C5orf46: variants seen among roughly 807,000 people sequenced by gnomAD.
C5orf46 encodes uncharacterized protein C5orf46.
A neutral mutation model predicts 8.9 loss-of-function variants in C5orf46; 9 were observed. That is an observed-to-expected ratio of 1.01 (90% CI 0.61 to 1.76). The LOEUF is 1.76. Among genes scored for constraint, C5orf46 ranks in the 40% most tolerant of loss-of-function variants. The pLI is 0.00. For missense variants in C5orf46, 98 were observed against 107.8 expected (o/e 0.91, Z 0.40); for synonymous variants, 47 against 41.4 (o/e 1.14, Z -0.52).
chr5:147,901,468 T>G, intron 2 of C5orf46, 161 bp downstream of exon 2: 1 of 609,034 alleles, frequency 1.6e-6, no homozygotes, highest in Non-Finnish European at 2.7e-6. Flanking sequence ...TTGATTCAGA[T>G]GCAAAATATA....
At chr5:147,896,254 A>G (rs567613567) in intron 3 of C5orf46, among the ~76,000 whole-genome samples, 6 of 152,292 alleles carry the variant, frequency 3.9e-5, no homozygotes, top group Non-Finnish European at 8.8e-5. Flanking sequence ...TTCATCCTTT[A>G]TCAATATAGC....
At chr5:147,897,070 A>G (rs896553361) in intron 2 of C5orf46, 29 bp from the exon 3 acceptor site, 5 of 1,117,538 alleles carry the variant, frequency 4.5e-6, no homozygotes, top group Admixed American at 2.0e-5. Flanking sequence ...AATAAGAATT[A>G]CAATTGAGAC....
At chr5:147,892,219 G>A (rs1048631446), downstream of C5orf46, among the ~76,000 whole-genome samples, 1 of 152,170 alleles carries the variant, frequency 6.6e-6, no homozygotes, top group African/African-American at 2.4e-5. Context: ...AAGAACCATA[G>A]CCATGGCTGC....
intron 3 of C5orf46, among the ~76,000 whole-genome samples, chr5:147,894,755 T>TAAA (rs370684673): frequency 7.7e-6 from 1 of 130,648 alleles, no homozygotes; most frequent in Non-Finnish European, 1.7e-5. Flanking sequence ...AAGAAATGTG[T>TAAA]AAAAAAAAAA....
At chr5:147,898,336 C>T (rs144186994) in intron 2 of C5orf46, among the ~76,000 whole-genome samples, 3 of 151,710 alleles carry the variant, frequency 2.0e-5, no homozygotes, top group East Asian at 1.9e-4. Context: ...TTCAGCAATT[C>T]GATGAAGGTG....
At chr5:147,904,541 T>G (rs1356827491) in intron 1 of C5orf46, among the ~76,000 whole-genome samples, 1 of 152,216 alleles carries the variant, frequency 6.6e-6, no homozygotes, top group African/African-American at 2.4e-5. Context: ...TAATAAATTC[T>G]ATTGACTTGT....
At chr5:147,901,528 C>A in intron 2 of C5orf46, 101 bp downstream of exon 2, 1 of 1,043,574 alleles carries the variant, frequency 9.6e-7, no homozygotes, top group South Asian at 2.0e-5. Context: ...TTTACTTATG[C>A]CACAAATTTT....
At chr5:147,900,203 G>C (rs1757645992) in intron 2 of C5orf46, among the ~76,000 whole-genome samples, 1 of 152,068 alleles carries the variant, frequency 6.6e-6, no homozygotes, top group Non-Finnish European at 1.5e-5. Flanking sequence ...TACATTAACA[G>C]TCTTGGAAAA....
chr5:147,904,088 G>GT (rs931289896), intron 1 of C5orf46, among the ~76,000 whole-genome samples: 1 of 147,236 alleles, frequency 6.8e-6, no homozygotes, highest in African/African-American at 2.6e-5. Context: ...AAGAGTCAAG[G>GT]TAAAAAAAAA....
chr5:147,904,131 A>G (rs1757714378), intron 1 of C5orf46, among the ~76,000 whole-genome samples: 1 of 152,104 alleles, frequency 6.6e-6, no homozygotes, highest in Non-Finnish European at 1.5e-5. Flanking sequence ...CTTCACATAA[A>G]GTGCTGGGCA....
At chr5:147,888,013 G>C (rs1419774634), downstream of C5orf46, among the ~76,000 whole-genome samples, 1 of 152,116 alleles carries the variant, frequency 6.6e-6, no homozygotes, top group Non-Finnish European at 1.5e-5. Context: ...TTTATCCTAA[G>C]AGCCCAGAAA....
chr5:147,903,793 G>T (rs1757707956), intron 1 of C5orf46, among the ~76,000 whole-genome samples: 1 of 152,086 alleles, frequency 6.6e-6, no homozygotes, highest in Non-Finnish European at 1.5e-5. Flanking sequence ...TCTCGTCCAG[G>T]CTGAAGGGCA....
rs1296667108 is a variant in C5orf46 at position 147,896,985 on chromosome 5, T to C, written c.*8A>G. 1 of 1,477,288 alleles carries C rather than the reference T, an allele frequency of 6.8e-7. No individual in the cohort carries two copies. Among genetic ancestry groups the C allele is most frequent in the Non-Finnish European group, 9.3e-7 (1 of 1,072,984 alleles). 91.5% of individuals were successfully genotyped at this position (1,477,288 alleles called of 1,614,324 possible). A position where few individuals can be genotyped will look rare whatever the true frequency, so the allele number is the denominator to read the frequency against. On this transcript the variant is annotated splice_region_variant and 3_prime_UTR_variant, in exon 3 of 4. Coordinates refer to ENST00000318315, the MANE Select transcript of C5orf46 (RefSeq NM_206966.3). ...TGTAAATTTTAAGTGAAAAATCACC[T>C]GAGGATGTCACTTTGATGAATGTTT... is the stretch of plus-strand genomic sequence containing the variant.
chr5:147,906,417 A>G lies in C5orf46; in HGVS notation c.70+15T>C. ...ACTACTGAACAATTCATGGGCTGTG[A>G]TCAGAAGCACTTACCTGCATAGCAG... is the stretch of plus-strand genomic sequence containing the variant. On this transcript the variant is annotated intron_variant, in intron 1 of 3. Coordinates refer to ENST00000318315, the MANE Select transcript of C5orf46 (RefSeq NM_206966.3). The G allele has an allele frequency of 6.3e-7, 1 of 1,586,036 alleles. No homozygotes were observed. Among genetic ancestry groups the G allele is most frequent in the East Asian group, 2.2e-5 (1 of 44,524 alleles).
At chr5:147,900,335 T>G (rs541712264) in intron 2 of C5orf46, among the ~76,000 whole-genome samples, 14 of 152,172 alleles carry the variant, frequency 9.2e-5, no homozygotes, top group Non-Finnish European at 2.1e-4. Context: ...TGACAATCTA[T>G]CCCTTTAAGC....
In C5orf46 at chr5:147,897,037, A is replaced by T; in HGVS notation, c.220T>A (p.Phe74Ile). Reference protein sequence around the residue: ...ILRSMSRSTGFMEFDDNEGKH... With the variant: ...ILRSMSRSTGIMEFDDNEGKH... ...CCTTCATTATCATCAAATTCCATAA[A>T]TCCTCTTGAGAAAAAAAGAGAAAAT... The change falls in exon 3 of 4, where the codon TTT (phenylalanine) becomes ATT (isoleucine). Residue 74 changes from phenylalanine to isoleucine, a missense_variant. Transcript: ENST00000318315. 6.8e-7 allele frequency: 1 copy of T among 1,470,698 alleles called. No individual in the cohort carries two copies. Among genetic ancestry groups the T allele is most frequent in the Non-Finnish European group, 9.3e-7 (1 of 1,070,442 alleles). The allele number at this position is 1,470,698 out of a possible 1,614,324, so 91.1% of individuals were successfully genotyped here.
chr5:147,900,542 C>T (rs1332333773), intron 2 of C5orf46, among the ~76,000 whole-genome samples: 4 of 152,094 alleles, frequency 2.6e-5, no homozygotes, highest in Non-Finnish European at 5.9e-5. Context: ...TCTTTAAGGC[C>T]CATCCATGCA....
chr5:147,905,149 T>A (rs1206565601), intron 1 of C5orf46, among the ~76,000 whole-genome samples: 1 of 152,144 alleles, frequency 6.6e-6, no homozygotes, highest in Admixed American at 6.5e-5. Context: ...TTTTTTCAAG[T>A]ATTATATGGG....
chr5:147,904,261 C>T (rs1349809536), intron 1 of C5orf46, among the ~76,000 whole-genome samples: 4 of 152,188 alleles, frequency 2.6e-5, no homozygotes, highest in African/African-American at 4.8e-5. Flanking sequence ...ATGCCTTAAT[C>T]GTCATTTAGC....
Sources: allele counts gnomAD v4.1 joint callset (sites outside exome capture counted in the v4.1 genomes callset), GRCh38; gene constraint gnomAD v4.1.1; transcripts MANE v1.5; gene names NCBI Gene and HGNC (gene_info 2026-07-23, HGNC 2026-07-21).